LRRTM4: variants seen among roughly 807,000 people sequenced by gnomAD.
The protein encoded by LRRTM4 is leucine-rich repeat transmembrane neuronal protein 4.
In LRRTM4, 25 loss-of-function variants were observed where a neutral mutation model predicts 47.6. The ratio of observed to expected loss-of-function variants is 0.53; its 90% confidence interval spans 0.38 to 0.73. The LOEUF (loss-of-function observed/expected upper bound fraction) is 0.73. Among genes scored for constraint, LRRTM4 ranks in the 30% least tolerant of loss-of-function variants. The probability of loss-of-function intolerance (pLI) is 0.00; values close to 1 mark genes in which losing one functional copy is unlikely to be tolerated. For missense variants in LRRTM4, 638 were observed against 713.4 expected (o/e 0.89, Z 1.20); for synonymous variants, 311 against 269.5 (o/e 1.15, Z -1.51).
intron 3 of LRRTM4, among the ~76,000 whole-genome samples, chr2:77,165,007 A>T (rs1457359873): frequency 6.6e-6 from 1 of 152,160 alleles, no homozygotes; most frequent in African/African-American, 2.4e-5. Context: ...ACCCTTCAAA[A>T]ATCAGTGAAT....
At chr2:77,357,159 A>G (rs1671998411) in intron 3 of LRRTM4, among the ~76,000 whole-genome samples, 1 of 152,156 alleles carries the variant, frequency 6.6e-6, no homozygotes, top group South Asian at 2.1e-4. Flanking sequence ...CCTGTTTTCT[A>G]ATTTCAAAAA....
intron 3 of LRRTM4, among the ~76,000 whole-genome samples, chr2:77,195,429 A>C (rs936700973): frequency 5.3e-5 from 8 of 152,120 alleles, no homozygotes; most frequent in African/African-American, 1.9e-4. Context: ...CAAGACCATT[A>C]CACGTATATT....
intron 3 of LRRTM4, among the ~76,000 whole-genome samples, chr2:76,836,612 T>C (rs989599305): frequency 1.3e-5 from 2 of 152,048 alleles, no homozygotes; most frequent in African/African-American, 4.8e-5. Flanking sequence ...TGCTACATGC[T>C]TTATGTAAAT....
chr2:77,313,322 C>CT (rs1677516439), intron 3 of LRRTM4, among the ~76,000 whole-genome samples: 1 of 99,454 alleles, frequency 1.0e-5, no homozygotes, highest in African/African-American at 6.6e-5. Flanking sequence ...TGGGATGTGC[C>CT]CCCCTACCTT....
chr2:77,016,449 G>A (rs997052541), intron 3 of LRRTM4, among the ~76,000 whole-genome samples: 1 of 151,500 alleles, frequency 6.6e-6, no homozygotes. Flanking sequence ...TTGCTGAATA[G>A]AAACAAATAT....
chr2:77,161,756 AT>A (rs887689868), intron 3 of LRRTM4, among the ~76,000 whole-genome samples: 13 of 151,526 alleles, frequency 8.6e-5, no homozygotes, highest in Admixed American at 3.3e-4. Context: ...TAAACTCTTA[AT>A]TTTTTTTTCT....
intron 3 of LRRTM4, among the ~76,000 whole-genome samples, chr2:77,222,174 A>G (rs1325901767): frequency 6.6e-6 from 1 of 152,232 alleles, no homozygotes; most frequent in Admixed American, 6.5e-5. Flanking sequence ...CAAAGACATA[A>G]CATACCAGAA....
chr2:77,152,303 G>T (rs1053411332), intron 3 of LRRTM4, among the ~76,000 whole-genome samples: 1 of 152,070 alleles, frequency 6.6e-6, no homozygotes, highest in African/African-American at 2.4e-5. Flanking sequence ...CACTTGATGT[G>T]GGAGTTTGAA....
intron 3 of LRRTM4, among the ~76,000 whole-genome samples, chr2:77,466,393 A>G (rs1382102960): frequency 6.6e-6 from 1 of 152,180 alleles, no homozygotes; most frequent in East Asian, 1.9e-4. Flanking sequence ...TTCAAGTTTT[A>G]CAGTTTCAAA....
chr2:76,764,853 G>A, intron 3 of LRRTM4, among the ~76,000 whole-genome samples: 1 of 152,124 alleles, frequency 6.6e-6, no homozygotes, highest in East Asian at 1.9e-4. Context: ...AGACCATCTG[G>A]GCTGCCCCTC....
At chr2:77,139,351 T>G (rs1672047033) in intron 3 of LRRTM4, among the ~76,000 whole-genome samples, 1 of 152,032 alleles carries the variant, frequency 6.6e-6, no homozygotes, top group Non-Finnish European at 1.5e-5. Flanking sequence ...ATCCAGCATA[T>G]CAACAGAACG....
chr2:77,127,854 T>C (rs1671688723), intron 3 of LRRTM4, among the ~76,000 whole-genome samples: 1 of 152,072 alleles, frequency 6.6e-6, no homozygotes, highest in Admixed American at 6.6e-5. Flanking sequence ...AACAAATGTT[T>C]TTTAAGCCGG....
chr2:76,921,928 T>A (rs894665540), intron 3 of LRRTM4, among the ~76,000 whole-genome samples: 1 of 152,216 alleles, frequency 6.6e-6, no homozygotes, highest in Non-Finnish European at 1.5e-5. Context: ...AAAATCACTA[T>A]CTGAAGAGAT....
intron 3 of LRRTM4, among the ~76,000 whole-genome samples, chr2:77,159,779 C>A (rs954004246): frequency 3.3e-5 from 5 of 151,710 alleles, no homozygotes; most frequent in Non-Finnish European, 7.4e-5. Flanking sequence ...ATCATGATTT[C>A]TGTATGACTT....
intron 3 of LRRTM4, among the ~76,000 whole-genome samples, chr2:77,413,067 T>G (rs1674502116): frequency 6.6e-6 from 1 of 152,196 alleles, no homozygotes; most frequent in Non-Finnish European, 1.5e-5. Flanking sequence ...GACAGCTTTC[T>G]CAACTATAGG....
At position 77,313,005 on chromosome 2, in the gene LRRTM4, C is replaced by G. The variant is rs79617614; in HGVS notation, c.1551+205313G>C. On this transcript the variant is annotated intron_variant, in intron 3 of 3. Transcript: ENST00000409884. ...AAGTTATATAAAAATTGAGTACCATCTCTTTAGGATATTTTATTTCCTTCC... is the reference window on the plus strand; with the variant it reads ...AAGTTATATAAAAATTGAGTACCATGTCTTTAGGATATTTTATTTCCTTCC... Among the ~76,000 whole-genome samples the G allele has an allele frequency of 1.5e-3, 230 of 152,248 alleles. 1 individual carries two copies. Among genetic ancestry groups the G allele is most frequent in the African/African-American group, 5.0e-3 (206 of 41,520 alleles).
At chr2:77,471,985 T>C (rs1677206816) in intron 3 of LRRTM4, among the ~76,000 whole-genome samples, 2 of 152,176 alleles carry the variant, frequency 1.3e-5, no homozygotes, top group African/African-American at 4.8e-5. Context: ...TAAGCCTGCA[T>C]AGAGCTGTGA....
chr2:76,996,179 G>A (rs1677197053), intron 3 of LRRTM4, among the ~76,000 whole-genome samples: 1 of 151,982 alleles, frequency 6.6e-6, no homozygotes, highest in Admixed American at 6.6e-5. Context: ...AGCAATAGAT[G>A]TAATATATTT....
At chr2:77,304,547 A>G (rs1178083849) in intron 3 of LRRTM4, among the ~76,000 whole-genome samples, 1 of 152,246 alleles carries the variant, frequency 6.6e-6, no homozygotes, top group East Asian at 1.9e-4. Context: ...AACCTGAAAA[A>G]AATACTTGAG....
Sources: gnomAD v4.1 joint callset for allele counts (sites outside exome capture counted in the v4.1 genomes callset) on GRCh38, gnomAD v4.1.1 for gene constraint, MANE v1.5 for transcripts, NCBI Gene and HGNC (gene_info 2026-07-23, HGNC 2026-07-21) for gene names.